Variants in HTR2C observed in about 807,000 individuals in gnomAD.
HTR2C encodes 5-hydroxytryptamine (serotonin) receptor 2C, G protein-coupled.
HTR2C carries 5 observed loss-of-function variants against 21.0 expected under a neutral mutation model. That is an observed-to-expected ratio of 0.24 (90% CI 0.12 to 0.50). The LOEUF (loss-of-function observed/expected upper bound fraction) is 0.50, where lower values mean the gene tolerates loss of function less well. Among genes scored for constraint, HTR2C ranks in the 20% least tolerant of loss-of-function variants. The pLI is 0.98. For missense variants in HTR2C, 271 were observed against 371.2 expected (o/e 0.73, Z 2.22); for synonymous variants, 150 against 145.3 (o/e 1.03, Z -0.23).
chrX:114,876,427 T>TTTTC (rs1259361708), intron 5 of HTR2C, among the ~76,000 whole-genome samples: 1 of 94,537 alleles, frequency 1.1e-5, no homozygotes, highest in East Asian at 3.3e-4. Context: ...TCTTTCTTTT[T>TTTTC]TTTTTTTTTT....
intron 4 of HTR2C, among the ~76,000 whole-genome samples, chrX:114,818,796 T>C (rs1167214178): frequency 8.9e-6 from 1 of 112,215 alleles, no homozygotes; most frequent in Non-Finnish European, 1.9e-5. Flanking sequence ...GCAATGAAGA[T>C]TGTATTGCCC....
intron 4 of HTR2C, among the ~76,000 whole-genome samples, chrX:114,764,698 C>T (rs1336234630): frequency 3.6e-5 from 4 of 111,519 alleles, no homozygotes; most frequent in Non-Finnish European, 7.5e-5. Context: ...TATCAGTATT[C>T]TACTGCCAAC....
chrX:114,606,667 G>C (rs1203420106), intron 1 of HTR2C, among the ~76,000 whole-genome samples: 1 of 111,892 alleles, frequency 8.9e-6, no homozygotes. Context: ...TTGGTGAGAT[G>C]TTCCTTGGGC....
chrX:114,722,455 T>A (rs1280885660), intron 2 of HTR2C, among the ~76,000 whole-genome samples: 1 of 111,411 alleles, frequency 9.0e-6, no homozygotes, highest in Middle Eastern at 4.2e-3. Context: ...TCATGTCATC[T>A]GCAAACAGGG....
intron 4 of HTR2C, among the ~76,000 whole-genome samples, chrX:114,767,380 T>A (rs1046287185): frequency 1.1e-4 from 12 of 111,108 alleles, no homozygotes; most frequent in African/African-American, 3.9e-4. Context: ...AGAAAAAACC[T>A]ATTTTCTCCT....
intron 4 of HTR2C, among the ~76,000 whole-genome samples, chrX:114,761,595 C>A (rs1011481335): frequency 5.5e-4 from 61 of 110,674 alleles, no homozygotes; most frequent in East Asian, 4.5e-3. Context: ...CTCTTCCAAA[C>A]CCTTTCAAAG....
intron 1 of HTR2C, among the ~76,000 whole-genome samples, chrX:114,593,592 C>T (rs1328323302): frequency 9.0e-6 from 1 of 111,455 alleles, no homozygotes; most frequent in Non-Finnish European, 1.9e-5. Flanking sequence ...TATATCATTA[C>T]ATATTGTGGC....
intron 2 of HTR2C, among the ~76,000 whole-genome samples, chrX:114,698,184 T>G (rs1319824781): frequency 1.8e-5 from 2 of 112,118 alleles, no homozygotes; most frequent in Admixed American, 9.5e-5. Flanking sequence ...CTTTCACTTA[T>G]AAGCCAGAGA....
At chrX:114,876,490 A>G (rs1314964931) in intron 5 of HTR2C, among the ~76,000 whole-genome samples, 1 of 87,261 alleles carries the variant, frequency 1.1e-5, no homozygotes, top group Non-Finnish European at 2.1e-5. Context: ...TAGAAGTGGC[A>G]CGAGTGGGCA....
intron 5 of HTR2C, among the ~76,000 whole-genome samples, chrX:114,853,452 A>G (rs1556469900): frequency 6.3e-5 from 7 of 111,746 alleles, no homozygotes; most frequent in African/African-American, 2.3e-4. Context: ...CTCAGGTTGG[A>G]CAATAAATCA....
chrX:114,782,127 C>A (rs1470544824), intron 4 of HTR2C, among the ~76,000 whole-genome samples: 651 of 72,395 alleles, frequency 9.0e-3, no homozygotes, highest in Non-Finnish European at 0.011. Context: ...CTGACTTCTC[C>A]AAAAAAAAAA....
intron 2 of HTR2C, among the ~76,000 whole-genome samples, chrX:114,660,971 G>A (rs894488836): frequency 8.9e-6 from 1 of 112,051 alleles, no homozygotes; most frequent in Non-Finnish European, 1.9e-5. Context: ...TGCAAATATG[G>A]TTCATTTAGG....
In HTR2C at chrX:114,774,839, C is replaced by A. The variant is rs1278689417; in HGVS notation, c.349+43232C>A. 4 of 488,914 alleles carry A rather than the reference C, an allele frequency of 8.2e-6. No individual in the cohort carries two copies. In the African/African-American group the frequency reaches 9.6e-5, roughly 12 times the overall value. 40.3% of individuals were successfully genotyped at this position (488,914 alleles called of 1,213,427 possible). A position where few individuals can be genotyped will look rare whatever the true frequency, so the allele number is the denominator to read the frequency against. ...ATATTTATGTTGGCTTAATCAACCTCTTCAGTGATGGGCCTTGAGGAAGCA... is the reference window on the plus strand; with the variant it reads ...ATATTTATGTTGGCTTAATCAACCTATTCAGTGATGGGCCTTGAGGAAGCA... On this transcript the variant is annotated intron_variant, in intron 4 of 5. Transcript: ENST00000276198.
At chrX:114,906,005 C>A (rs1190318644) in intron 5 of HTR2C, among the ~76,000 whole-genome samples, 1 of 111,386 alleles carries the variant, frequency 9.0e-6, no homozygotes, top group Non-Finnish European at 1.9e-5. Flanking sequence ...ATAAAACAAA[C>A]AAACAAAAAC....
At chrX:114,739,844 A>T (rs2069627306) in intron 4 of HTR2C, among the ~76,000 whole-genome samples, 1 of 111,469 alleles carries the variant, frequency 9.0e-6, no homozygotes, top group Non-Finnish European at 1.9e-5. Context: ...GGCAGCTCAC[A>T]CCTATAATCC....
At chrX:114,883,662 T>G (rs1169519260) in intron 5 of HTR2C, among the ~76,000 whole-genome samples, 1 of 110,027 alleles carries the variant, frequency 9.1e-6, no homozygotes, top group Non-Finnish European at 1.9e-5. Flanking sequence ...CTTTTTTAAT[T>G]GACCAATAAG....
chrX:114,741,345 C>T (rs1556425289), intron 4 of HTR2C, among the ~76,000 whole-genome samples: 1 of 103,804 alleles, frequency 9.6e-6, no homozygotes, highest in African/African-American at 3.5e-5. Flanking sequence ...ATGGTGAAAC[C>T]CCATCTCTAT....
At chrX:114,630,758 A>G (rs1336882595) in intron 2 of HTR2C, 4 of 308,077 alleles carry the variant, frequency 1.3e-5, no homozygotes, top group African/African-American at 8.0e-5. Flanking sequence ...TTGTTCTTCT[A>G]TACAGAGCAT....
intron 2 of HTR2C, among the ~76,000 whole-genome samples, chrX:114,634,505 A>T (rs1204185227): frequency 8.9e-6 from 1 of 111,936 alleles, no homozygotes; most frequent in African/African-American, 3.2e-5. Context: ...AAATTATTTC[A>T]TTCACTGTGG....
Sources: gnomAD v4.1 joint callset for allele counts (sites outside exome capture counted in the v4.1 genomes callset) on GRCh38, gnomAD v4.1.1 for gene constraint, MANE v1.5 for transcripts, NCBI Gene and HGNC (gene_info 2026-07-23, HGNC 2026-07-21) for gene names.